ADCY2: variants seen among roughly 807,000 people sequenced by gnomAD.
ADCY2 encodes the protein adenylate cyclase type 2.
Under a neutral mutation model 125.2 loss-of-function variants are expected in ADCY2, and 31 were observed. That is an observed-to-expected ratio of 0.25 (90% CI 0.19 to 0.33). ADCY2 has a LOEUF of 0.33. Among genes scored for constraint, ADCY2 ranks in the 10% least tolerant of loss-of-function variants. ADCY2 has a pLI of 1.00. For synonymous variants in ADCY2, 512 were observed against 548.4 expected (o/e 0.93, Z 0.93); for missense variants, 904 against 1,418.2 (o/e 0.64, Z 5.82).
At chr5:7,810,488 G>T (rs549987216) in intron 22 of ADCY2, among the ~76,000 whole-genome samples, 2 of 152,198 alleles carry the variant, frequency 1.3e-5, no homozygotes, top group East Asian at 3.9e-4. Context: ...TTATCTACCT[G>T]TTTGGTGGGT....
rs192504234 is a variant in ADCY2 at position 7,536,100 on chromosome 5, A to T, written c.570+15201A>T. Among the ~76,000 whole-genome samples the T allele has an allele frequency of 8.5e-5, 13 of 152,168 alleles. No homozygotes were observed. In the South Asian group the frequency reaches 2.5e-3, roughly 29 times the overall value. On this transcript the variant is annotated intron_variant, in intron 3 of 24. Coordinates refer to ENST00000338316, the MANE Select transcript of ADCY2 (RefSeq NM_020546.3). Reference sequence around the variant, plus strand: ...ACTGCTGCAAGCTGTGGCTTATAAAACTCTGATGTAAGGCTTATTAACAGG... The same window carrying T: ...ACTGCTGCAAGCTGTGGCTTATAAATCTCTGATGTAAGGCTTATTAACAGG...
intron 4 of ADCY2, among the ~76,000 whole-genome samples, chr5:7,680,010 C>T (rs1352654278): frequency 6.6e-6 from 1 of 151,982 alleles, no homozygotes; most frequent in East Asian, 1.9e-4. Context: ...GGCAAGACAA[C>T]AGTGAAAGTG....
intron 22 of ADCY2, among the ~76,000 whole-genome samples, chr5:7,810,829 C>A (rs1005371308): frequency 6.6e-6 from 1 of 152,126 alleles, no homozygotes; most frequent in Non-Finnish European, 1.5e-5. Context: ...CACTCCAGAG[C>A]CTCACCTGTT....
intron 2 of ADCY2, among the ~76,000 whole-genome samples, chr5:7,463,257 A>T (rs1167979686): frequency 6.6e-6 from 1 of 152,080 alleles, no homozygotes; most frequent in Non-Finnish European, 1.5e-5. Flanking sequence ...TCATGCTATC[A>T]TTGTGTCTCT....
chr5:7,509,209 G>A (rs759745887), intron 2 of ADCY2, among the ~76,000 whole-genome samples: 1 of 152,176 alleles, frequency 6.6e-6, no homozygotes, highest in Non-Finnish European at 1.5e-5. Context: ...GTATATTGTA[G>A]AGTTAAAACC....
At chr5:7,702,377 G>A (rs12518023) in intron 7 of ADCY2, among the ~76,000 whole-genome samples, 6 of 151,170 alleles carry the variant, frequency 4.0e-5, no homozygotes, top group African/African-American at 7.3e-5. Context: ...ATCCCTCCCC[G>A]CTCCTCCCAC....
chr5:7,621,875 G>T (rs1316146393), intron 3 of ADCY2, among the ~76,000 whole-genome samples: 1 of 152,186 alleles, frequency 6.6e-6, no homozygotes, highest in Non-Finnish European at 1.5e-5. Flanking sequence ...ATGTGGGCGT[G>T]TGGGCACGGT....
At chr5:7,722,685 G>A (rs1373722480) in intron 12 of ADCY2, among the ~76,000 whole-genome samples, 1 of 152,108 alleles carries the variant, frequency 6.6e-6, no homozygotes, top group Non-Finnish European at 1.5e-5. Context: ...TCTGCCAGGT[G>A]TGGTGGCTCA....
At chr5:7,656,761 A>AG (rs1739348499) in intron 4 of ADCY2, among the ~76,000 whole-genome samples, 1 of 152,176 alleles carries the variant, frequency 6.6e-6, no homozygotes, top group Non-Finnish European at 1.5e-5. Context: ...ATCCCTCTGA[A>AG]GGGGGATGAG....
rs762050241 is a variant in ADCY2 at position 7,766,745 on chromosome 5, G to A, written c.2153G>A (p.Ser718Asn). 1.9e-6 allele frequency: 3 copies of A among 1,612,404 alleles called. No homozygotes were observed. The highest frequency in any genetic ancestry group is 2.5e-6 in the Non-Finnish European group (3 of 1,179,612). Residue 718 changes from serine (S) to asparagine (N), a missense_variant, in exon 17 of 25, where the codon AGC (serine) becomes AAC (asparagine). Ser to Asn is a conservative substitution (Grantham distance 46). Transcript: ENST00000338316. Reference sequence around the variant, plus strand: ...CCAACTGCCAACACAACAAACACAAGCTTTTCAGCCTCAAATAATCAGGTG... The same window carrying A: ...CCAACTGCCAACACAACAAACACAAACTTTTCAGCCTCAAATAATCAGGTG... ...IPPTANTTNT[S>N]FSASNNQVAI...
At chr5:7,567,803 G>A (rs911839427) in intron 3 of ADCY2, among the ~76,000 whole-genome samples, 2 of 152,084 alleles carry the variant, frequency 1.3e-5, no homozygotes, top group African/African-American at 4.8e-5. Context: ...TATTTGGTCA[G>A]CATCTATGAA....
chr5:7,818,665 A>G (rs1392227593), intron 23 of ADCY2, among the ~76,000 whole-genome samples: 1 of 152,086 alleles, frequency 6.6e-6, no homozygotes, highest in African/African-American at 2.4e-5. Flanking sequence ...CCAAAATGCC[A>G]TATTTTTCTT....
intron 3 of ADCY2, among the ~76,000 whole-genome samples, chr5:7,556,317 A>G (rs1045553225): frequency 2.6e-5 from 4 of 152,218 alleles, no homozygotes; most frequent in Non-Finnish European, 5.9e-5. Context: ...AATAAATAAA[A>G]AATAGTTGCA....
chr5:7,548,138 A>G (rs181295245), intron 3 of ADCY2, among the ~76,000 whole-genome samples: 1 of 152,338 alleles, frequency 6.6e-6, no homozygotes, highest in African/African-American at 2.4e-5. Flanking sequence ...ATAGGGCCGA[A>G]TTAAACAAAC....
At chr5:7,397,530 A>G (rs1739105843) in intron 1 of ADCY2, among the ~76,000 whole-genome samples, 1 of 142,006 alleles carries the variant, frequency 7.0e-6, no homozygotes. Flanking sequence ...AGCTTAGAAT[A>G]TAAATATGTG....
At chr5:7,679,832 CTCT>C (rs1355082296) in intron 4 of ADCY2, among the ~76,000 whole-genome samples, 3 of 152,186 alleles carry the variant, frequency 2.0e-5, no homozygotes, top group Admixed American at 6.5e-5. Context: ...AGTACTTGTT[CTCT>C]TCTTCTTCCT....
At chr5:7,715,201 G>GAATTCAA in intron 11 of ADCY2, among the ~76,000 whole-genome samples, 1 of 152,368 alleles carries the variant, frequency 6.6e-6, no homozygotes. Flanking sequence ...GATAATTAGT[G>GAATTCAA]AATTCAAATC....
chr5:7,674,940 G>A (rs1740067274), intron 4 of ADCY2, among the ~76,000 whole-genome samples: 1 of 152,124 alleles, frequency 6.6e-6, no homozygotes, highest in African/African-American at 2.4e-5. Flanking sequence ...CGGATCACGA[G>A]GTCAGGAGAT....
chr5:7,705,509 G>C (rs1405378420), intron 7 of ADCY2, among the ~76,000 whole-genome samples: 1 of 152,190 alleles, frequency 6.6e-6, no homozygotes. Context: ...GGGAGGCTTG[G>C]GGGCATGGGG....
Sources: allele counts gnomAD v4.1 joint callset (sites outside exome capture counted in the v4.1 genomes callset), GRCh38; gene constraint gnomAD v4.1.1; transcripts MANE v1.5; gene names NCBI Gene and HGNC (gene_info 2026-07-23, HGNC 2026-07-21).